Variants in DLGAP1 observed in about 807,000 individuals in gnomAD.
DLGAP1 encodes the protein DLG associated protein 1, also known as disks large-associated protein 1.
DLGAP1 carries 11 observed loss-of-function variants against 90.8 expected under a neutral mutation model. The ratio of observed to expected loss-of-function variants is 0.12; its 90% CI spans 0.08 to 0.20. The LOEUF is 0.20. Among genes scored for constraint, DLGAP1 ranks in the 10% least tolerant of loss-of-function variants. The probability of loss-of-function intolerance (pLI) is 1.00; values close to 1 mark genes in which losing one functional copy is unlikely to be tolerated. For synonymous variants in DLGAP1, 558 were observed against 540.7 expected (o/e 1.03, Z -0.44); for missense variants, 1,050 against 1,333.8 (o/e 0.79, Z 3.31).
At chr18:3,657,018 T>C (rs2059515244) in intron 7 of DLGAP1, among the ~76,000 whole-genome samples, 1 of 152,182 alleles carries the variant, frequency 6.6e-6, no homozygotes, top group Non-Finnish European at 1.5e-5. Context: ...AGTGCTGGGA[T>C]TACAGGCGTG....
chr18:3,550,284 G>A (rs7230095), intron 9 of DLGAP1, among the ~76,000 whole-genome samples: 56,286 of 152,020 alleles, frequency 0.37, 13,493 homozygotes, highest in African/African-American at 0.68. Context: ...GCAGTGCAGT[G>A]GCACAATCAC....
In DLGAP1 at chr18:3,714,613, G is replaced by A. The variant is rs576123509; in HGVS notation, c.1591+14522C>T. Among the ~76,000 whole-genome samples, 116 of 148,236 alleles carry A rather than the reference G, an allele frequency of 7.8e-4. 1 individual carries two copies. Among genetic ancestry groups the A allele is most frequent in the African/African-American group, 2.9e-3 (115 of 40,268 alleles). On this transcript the variant is annotated intron_variant, in intron 7 of 12. Coordinates refer to ENST00000315677, the MANE Select transcript of DLGAP1 (RefSeq NM_004746.4). ...CTTGACTGCCACAGCATACTAATAG[G>A]TTTAAAAGAATTAGCTGATTACGTG...
chr18:4,285,208 T>C (rs1424677922), intron 1 of DLGAP1, among the ~76,000 whole-genome samples: 2 of 152,184 alleles, frequency 1.3e-5, no homozygotes, highest in Non-Finnish European at 2.9e-5. Flanking sequence ...ATCTTATTAA[T>C]GCTTTTTATG....
At chr18:3,934,258 T>C (rs2072585518) in intron 3 of DLGAP1, among the ~76,000 whole-genome samples, 1 of 152,224 alleles carries the variant, frequency 6.6e-6, no homozygotes, top group Non-Finnish European at 1.5e-5. Flanking sequence ...CTAAAGGTTC[T>C]AGTTCTGAAA....
chr18:4,308,130 A>G (rs1297750450), intron 1 of DLGAP1, among the ~76,000 whole-genome samples: 1 of 152,188 alleles, frequency 6.6e-6, no homozygotes, highest in African/African-American at 2.4e-5. Flanking sequence ...ACAAGAGGAA[A>G]CTGAGGCTTA....
chr18:4,279,089 C>T (rs2079488699), intron 1 of DLGAP1, among the ~76,000 whole-genome samples: 1 of 152,152 alleles, frequency 6.6e-6, no homozygotes, highest in African/African-American at 2.4e-5. Context: ...GTTACATGGG[C>T]AATAGTTACA....
intron 6 of DLGAP1, among the ~76,000 whole-genome samples, chr18:3,741,197 CCA>C (rs2062986470): frequency 9.1e-6 from 1 of 109,942 alleles, no homozygotes; most frequent in Non-Finnish European, 1.9e-5. Flanking sequence ...ACCACCACCA[CCA>C]AATCACCACC....
intron 10 of DLGAP1, among the ~76,000 whole-genome samples, chr18:3,521,414 TC>T (rs1306563314): frequency 1.3e-5 from 2 of 152,186 alleles, no homozygotes; most frequent in African/African-American, 4.8e-5. Context: ...CTGTCCAGTT[TC>T]TCTCTGCTGA....
chr18:4,365,864 G>T (rs1032715456), intron 1 of DLGAP1, among the ~76,000 whole-genome samples: 1 of 152,008 alleles, frequency 6.6e-6, no homozygotes, highest in Non-Finnish European at 1.5e-5. Context: ...AATGTTATTT[G>T]TCCCTAAGGT....
At chr18:3,862,880 C>T (rs898189519) in intron 4 of DLGAP1, among the ~76,000 whole-genome samples, 18 of 152,262 alleles carry the variant, frequency 1.2e-4, no homozygotes, top group African/African-American at 4.3e-4. Flanking sequence ...GGGCGGCCCT[C>T]GCCCTCACTG....
intron 5 of DLGAP1, among the ~76,000 whole-genome samples, chr18:3,752,709 C>A (rs2147825404): frequency 6.8e-6 from 1 of 146,972 alleles, no homozygotes; most frequent in Non-Finnish European, 1.5e-5. Flanking sequence ...GTGGCATGAT[C>A]ACAGCTCACT....
chr18:4,166,815 A>G (rs1324742080), intron 1 of DLGAP1, among the ~76,000 whole-genome samples: 1 of 152,254 alleles, frequency 6.6e-6, no homozygotes, highest in Non-Finnish European at 1.5e-5. Context: ...CATTTACACA[A>G]GGTTCCTAAA....
intron 7 of DLGAP1, among the ~76,000 whole-genome samples, chr18:3,591,602 C>G (rs976559696): frequency 9.2e-5 from 14 of 151,742 alleles, no homozygotes; most frequent in Non-Finnish European, 1.6e-4. Context: ...ACTTGGAAGG[C>G]TGGGGCGGGA....
At chr18:3,949,829 T>A (rs2072949487) in intron 3 of DLGAP1, among the ~76,000 whole-genome samples, 1 of 152,154 alleles carries the variant, frequency 6.6e-6, no homozygotes, top group Admixed American at 6.5e-5. Context: ...TTACACCAAA[T>A]AGCATAAATC....
At chr18:3,756,076 G>A (rs1321780630) in intron 5 of DLGAP1, among the ~76,000 whole-genome samples, 1 of 151,528 alleles carries the variant, frequency 6.6e-6, no homozygotes, top group East Asian at 1.9e-4. Context: ...TTGAGGTGGA[G>A]TCTCACTCTG....
intron 2 of DLGAP1, among the ~76,000 whole-genome samples, chr18:4,147,781 C>G (rs2076610950): frequency 6.6e-6 from 1 of 152,166 alleles, no homozygotes; most frequent in Non-Finnish European, 1.5e-5. Context: ...AACTAACACA[C>G]CTACTCACAA....
At chr18:3,680,806 AG>A (rs2060490135) in intron 7 of DLGAP1, among the ~76,000 whole-genome samples, 1 of 151,140 alleles carries the variant, frequency 6.6e-6, no homozygotes, top group Admixed American at 6.6e-5. Context: ...AAAAAAAAAA[AG>A]GAGGAAAAAT....
At chr18:3,664,218 C>CACACACACACACCCACA (rs1555620386) in intron 7 of DLGAP1, among the ~76,000 whole-genome samples, 1 of 75,774 alleles carries the variant, frequency 1.3e-5, no homozygotes, top group Admixed American at 1.1e-4. Context: ...ACACACACAC[C>CACACACACACACCCACA]CACACACACA....
At chr18:3,776,062 G>A (rs776838808) in intron 5 of DLGAP1, among the ~76,000 whole-genome samples, 24 of 152,132 alleles carry the variant, frequency 1.6e-4, no homozygotes, top group Middle Eastern at 3.4e-3. Context: ...ACCCCCATCC[G>A]GCACAGGATT....
Sources: gnomAD v4.1 joint callset for allele counts (sites outside exome capture counted in the v4.1 genomes callset) on GRCh38, gnomAD v4.1.1 for gene constraint, MANE v1.5 for transcripts, NCBI Gene and HGNC (gene_info 2026-07-23, HGNC 2026-07-21) for gene names.